The following HIVEP1 variants were observed in gnomAD, a reference collection of about 807,000 sequenced individuals.
HIVEP1 encodes HIVEP zinc finger 1, also known as zinc finger protein 40.
HIVEP1 carries 36 observed loss-of-function variants against 180.0 expected under a neutral mutation model. The observed-to-expected ratio is 0.20, with a 90% CI of 0.15 to 0.26. The LOEUF is 0.26. HIVEP1 is among the 10% of genes least tolerant of loss of function. The pLI, the probability that HIVEP1 is intolerant of heterozygous loss-of-function variation, is 1.00. For missense variants in HIVEP1, 3,143 were observed against 3,268.7 expected, an observed-to-expected ratio of 0.96 and a Z score of 0.94; for synonymous variants, 1,239 against 1,239.0, an observed-to-expected ratio of 1.00 and a Z score of 0.00.
chr6:12,036,694 A>C (rs1769295682), intron 2 of HIVEP1, among the ~76,000 whole-genome samples: 1 of 152,224 alleles, frequency 6.6e-6, no homozygotes, highest in Non-Finnish European at 1.5e-5. Flanking sequence ...ACCTGAGGTC[A>C]GGAGTTCGAG....
Position 12,123,531 on chromosome 6 carries a change from G to T in HIVEP1, c.3736G>T (p.Asp1246Tyr), listed in dbSNP as rs1561969810. The change falls in exon 4 of 9, where the codon GAC (aspartate) becomes TAC (tyrosine). Residue 1246 changes from aspartate to tyrosine, a missense_variant. Coordinates refer to ENST00000379388, the MANE Select transcript of HIVEP1 (RefSeq NM_002114.4). Reference protein sequence around the residue: ...EILVTEEPDRDLEAQCHDQEK... With the variant: ...EILVTEEPDRYLEAQCHDQEK... Reference sequence around the variant, plus strand: ...TTTGGTCACAGAAGAACCAGATCGAGACCTGGAAGCTCAATGCCATGATCA... The same window carrying T: ...TTTGGTCACAGAAGAACCAGATCGATACCTGGAAGCTCAATGCCATGATCA... 6.2e-7 allele frequency: 1 copy of T among 1,614,158 alleles called. No homozygotes were observed. Among genetic ancestry groups the T allele is most frequent in the African/African-American group, 1.3e-5 (1 of 75,036 alleles).
Position 12,122,001 on chromosome 6 carries a change from C to A in HIVEP1, c.2206C>A (p.Arg736Ser). 6.2e-7 allele frequency: 1 copy of A among 1,614,120 alleles called. No homozygotes were observed. The change falls in exon 4 of 9, where the codon CGC becomes AGC. Residue 736 changes from arginine (R) to serine (S), a missense_variant. Coordinates refer to ENST00000379388, the MANE Select transcript of HIVEP1 (RefSeq NM_002114.4). ...EKALLLPGQM[R>S]PPLATKTLEE... is the part of the protein sequence containing the mutation. ...GGCATTGCTTTTACCAGGTCAGATG[C>A]GCCCACCTTTGGCCACAAAAACACT... is the stretch of plus-strand genomic sequence containing the variant.
At chr6:12,209,017 C>T in the HIVEP1 span, among the ~76,000 whole-genome samples, 6 of 152,212 alleles carry the variant, frequency 3.9e-5, no homozygotes, top group South Asian at 2.1e-4. Context: ...GTTCTGCACA[C>T]GTGCCATTCC....
In HIVEP1 at chr6:12,125,706, A is replaced by T. The variant is rs777769770; in HGVS notation, c.5911A>T (p.Ser1971Cys). ...KTSAYTDWTV[S>C]ASNPNPLGLP... is the part of the protein sequence containing the mutation. ...TTCAGCCTATACTGATTGGACAGTAAGCGCCAGTAATCCAAATCCACTCGG... is the reference window on the plus strand; with the variant it reads ...TTCAGCCTATACTGATTGGACAGTATGCGCCAGTAATCCAAATCCACTCGG... The change falls in exon 4 of 9, where the codon AGC becomes TGC. Residue 1971 changes from serine (S) to cysteine (C), a missense_variant. Physicochemically the swap from Ser to Cys is moderately radical, Grantham distance 112 (BLOSUM62 -1). Transcript: ENST00000379388. 12 of 1,614,220 alleles carry T rather than the reference A, an allele frequency of 7.4e-6. No individual in the cohort carries two copies. The highest frequency in any genetic ancestry group is 1.0e-5 in the Non-Finnish European group (12 of 1,180,054).
chr6:12,079,978 A>ATC (rs747526886), intron 2 of HIVEP1, among the ~76,000 whole-genome samples: 103 of 150,186 alleles, frequency 6.9e-4, no homozygotes, highest in South Asian at 5.1e-3. Flanking sequence ...CTATCTATCT[A>ATC]TATCTGGTCT....
intron 2 of HIVEP1, among the ~76,000 whole-genome samples, chr6:12,022,483 T>C (rs1054672623): frequency 3.9e-5 from 6 of 152,186 alleles, no homozygotes; most frequent in Non-Finnish European, 7.3e-5. Flanking sequence ...ATACAGGATT[T>C]TTATAGCTTA....
intron 2 of HIVEP1, among the ~76,000 whole-genome samples, chr6:12,035,002 C>G (rs1769185078): frequency 6.6e-6 from 1 of 152,182 alleles, no homozygotes; most frequent in Admixed American, 6.5e-5. Flanking sequence ...TTGTGTAAAT[C>G]AAGCGCTTGG....
rs1488280222 is a variant in HIVEP1, at chr6:12,123,444, C to G, written c.3649C>G (p.Arg1217Gly). ...AAGCTCCAGAAAGAGTCCAAGTGAA[C>G]GACATGTGTTAGGACAGCCCTCAAG... Reference protein sequence around the residue: ...QESSRKSPSERHVLGQPSRLV... With the variant: ...QESSRKSPSEGHVLGQPSRLV... Residue 1217 changes from arginine to glycine, a missense_variant, in exon 4 of 9, where the codon CGA (arginine) becomes GGA (glycine). By Grantham distance (125) the Arg-to-Gly change is moderately radical (BLOSUM62 -2). This residue lies in a region of HIVEP1 where 1,357 missense variants were observed against 1,260.5 expected (regional missense o/e 1.08). Transcript: ENST00000379388. The G allele has an allele frequency of 1.2e-6, 2 of 1,614,022 alleles. No homozygotes were observed. The highest frequency in any genetic ancestry group is 2.2e-5 in the East Asian group (1 of 44,892).
intron 3 of HIVEP1, among the ~76,000 whole-genome samples, chr6:12,092,492 A>G (rs1338257350): frequency 6.6e-6 from 1 of 152,188 alleles, no homozygotes; most frequent in African/African-American, 2.4e-5. Flanking sequence ...TATCATAAAC[A>G]ATGCAGGTAT....
At chr6:12,192,101 A>G in the HIVEP1 span, among the ~76,000 whole-genome samples, 1 of 152,202 alleles carries the variant, frequency 6.6e-6, no homozygotes, top group Admixed American at 6.5e-5. Flanking sequence ...TAATTTTAGG[A>G]TTTAAATCAA....
intron 7 of HIVEP1, among the ~76,000 whole-genome samples, chr6:12,141,714 A>AAAAAAAAAAAAAAAAAAC (rs1759047029): frequency 7.2e-6 from 1 of 139,144 alleles, no homozygotes. Context: ...AAAAAAAAAA[A>AAAAAAAAAAAAAAAAAAC]AAAAAAGCAG....
At chr6:12,089,863 T>C (rs1773355240) in intron 3 of HIVEP1, among the ~76,000 whole-genome samples, 2 of 152,068 alleles carry the variant, frequency 1.3e-5, no homozygotes, top group African/African-American at 2.4e-5. Context: ...TATGTATATA[T>C]ATATACGCAT....
At chr6:12,119,800 C>T in intron 3 of HIVEP1, 90 bp from the exon 4 acceptor site, 2 of 808,804 alleles carry the variant, frequency 2.5e-6, no homozygotes, top group Non-Finnish European at 3.9e-6. Flanking sequence ...GTCATAATGT[C>T]CTTATGATAG....
intron 2 of HIVEP1, among the ~76,000 whole-genome samples, chr6:12,046,892 G>A (rs533438903): frequency 8.7e-5 from 7 of 80,074 alleles, no homozygotes; most frequent in African/African-American, 3.2e-4. Context: ...ATGGAGTCTC[G>A]CTCTGTAGCA....
chr6:12,156,478 T>A (rs937499841), intron 7 of HIVEP1, among the ~76,000 whole-genome samples: 1 of 152,174 alleles, frequency 6.6e-6, no homozygotes, highest in Non-Finnish European at 1.5e-5. Flanking sequence ...CAGCATCGTT[T>A]ATTAAATAGG....
chr6:12,152,025 G>A (rs556321478), intron 7 of HIVEP1, among the ~76,000 whole-genome samples: 12 of 152,008 alleles, frequency 7.9e-5, no homozygotes, highest in Non-Finnish European at 1.3e-4. Context: ...GCATGGTGGC[G>A]GGCACCTGTA....
chr6:12,137,504 C>T (rs3777769), intron 7 of HIVEP1, among the ~76,000 whole-genome samples: 9,583 of 152,230 alleles, frequency 0.063, 356 homozygotes, highest in Middle Eastern at 0.15. Flanking sequence ...AGTTGATATC[C>T]TAATTCCCTA....
At chr6:12,143,054 T>C (rs1759146237) in intron 7 of HIVEP1, among the ~76,000 whole-genome samples, 1 of 152,216 alleles carries the variant, frequency 6.6e-6, no homozygotes, top group Non-Finnish European at 1.5e-5. Flanking sequence ...ATCATCCTGA[T>C]ACCAAAGCCT....
At chr6:12,033,655 A>T (rs1464745963) in intron 2 of HIVEP1, among the ~76,000 whole-genome samples, 2 of 152,124 alleles carry the variant, frequency 1.3e-5, no homozygotes, top group African/African-American at 4.8e-5. Flanking sequence ...TCTTAATAAT[A>T]CTATATTTTC....
Sources: gnomAD v4.1 joint callset for allele counts (sites outside exome capture counted in the v4.1 genomes callset) on GRCh38, gnomAD v4.1.1 for gene constraint, gnomAD v4.1.1 regional missense constraint, MANE v1.5 for transcripts, NCBI Gene and HGNC (gene_info 2026-07-23, HGNC 2026-07-21) for gene names.